Variants in PGD observed in about 807,000 individuals in gnomAD.
The protein encoded by PGD is phosphogluconate dehydrogenase, also known as 6-phosphogluconate dehydrogenase, decarboxylating.
Under a neutral mutation model 60.4 loss-of-function variants are expected in PGD, and 21 were observed. The ratio of observed to expected loss-of-function variants is 0.35; its 90% confidence interval spans 0.25 to 0.50. PGD has a LOEUF of 0.50. Among genes scored for constraint, PGD ranks in the 20% least tolerant of loss-of-function variants. PGD has a pLI of 0.98. For synonymous variants in PGD, 230 were observed against 235.9 expected (o/e 0.97, Z 0.23); for missense variants, 477 against 613.1 (o/e 0.78, Z 2.34).
intron 8 of PGD, among the ~76,000 whole-genome samples, chr1:10,413,595 T>C (rs1430875500): frequency 6.6e-6 from 1 of 152,118 alleles, no homozygotes; most frequent in African/African-American, 2.4e-5. Context: ...TTGAGTAAAA[T>C]TTTTCATAGA....
chr1:10,404,174 A>G lies in PGD; in HGVS notation c.344A>G (p.Asp115Gly), dbSNP rs1305460714. 1.2e-6 allele frequency: 2 copies of G among 1,611,728 alleles called. No homozygotes were observed. Among genetic ancestry groups the G allele is most frequent in the African/African-American group, 2.7e-5 (2 of 74,804 alleles). ...EYRDTTRRCRDLKAKGILFVG... is the reference protein window; with the variant it reads ...EYRDTTRRCRGLKAKGILFVG... ...TCTGTCCTTCAGAGACGGTGCCGAG[A>G]CCTCAAGGCCAAGGGAATTTTATTT... Residue 115 changes from aspartate (D) to glycine (G), a missense_variant, in exon 5 of 13, where the codon GAC becomes GGC. By Grantham distance (94) the Asp-to-Gly change is moderately conservative. Around this residue, in one of 3 missense-constraint regions of PGD, gnomAD observed 431 missense variants for 556.6 expected, o/e 0.77. Coordinates refer to ENST00000270776, the MANE Select transcript of PGD (RefSeq NM_002631.4).
chr1:10,415,022 C>T (rs1202175322), intron 8 of PGD, among the ~76,000 whole-genome samples: 3 of 150,758 alleles, frequency 2.0e-5, no homozygotes, highest in East Asian at 3.9e-4. Context: ...ACCTGGGAGG[C>T]GGAATTTGCA....
intron 8 of PGD, among the ~76,000 whole-genome samples, chr1:10,414,462 C>T (rs1319011139): frequency 6.6e-6 from 1 of 151,984 alleles, no homozygotes; most frequent in Non-Finnish European, 1.5e-5. Flanking sequence ...GCAACCTCCA[C>T]CTCCCGGGTT....
chr1:10,413,316 G>T (rs542953749), intron 8 of PGD, 65 bp downstream of exon 8: 5 of 1,385,246 alleles, frequency 3.6e-6, no homozygotes, highest in Non-Finnish European at 5.1e-6. Flanking sequence ...CTGGAGGACA[G>T]ATACAGACTG....
At position 10,418,922 on chromosome 1, in the gene PGD, C is replaced by T; in HGVS notation, c.1206C>T (p.Cys402=). 6.3e-7 allele frequency: 1 copy of T among 1,576,226 alleles called. No homozygotes were observed. The highest frequency in any genetic ancestry group is 8.7e-7 in the Non-Finnish European group (1 of 1,145,392). Residue 402 remains cysteine (C), a synonymous_variant, in exon 11 of 13, where the codon TGC becomes TGT. Coordinates refer to ENST00000270776, the MANE Select transcript of PGD (RefSeq NM_002631.4). ...TCTTTAAGTCAGCTGTTGAAAACTG[C>T]CAGGTATGTAGCCTAGGGCTGGTGC... The part of the protein sequence containing the change: ...DDFFKSAVEN[C]QDSWRRAVST...
intron 5 of PGD, among the ~76,000 whole-genome samples, chr1:10,407,580 G>A: frequency 6.6e-6 from 1 of 152,298 alleles, no homozygotes; most frequent in Middle Eastern, 3.4e-3. Context: ...TCAGTCAAGG[G>A]TCTGCAGTTG....
rs374241985 is a variant in PGD, at chr1:10,417,326, C to T, written c.976-50C>T. 4.5e-5 allele frequency: 70 copies of T among 1,553,726 alleles called. No homozygotes were observed. The African/African-American group carries it at 5.4e-4, about 12-fold the overall frequency. On this transcript the variant is annotated intron_variant, in intron 9 of 12. Transcript: ENST00000270776. Reference sequence around the variant, plus strand: ...GAGAATAAGACTGGTAGACATAAGGCGGTCACTCTCCTAATGGCAATCCTA... The same window carrying T: ...GAGAATAAGACTGGTAGACATAAGGTGGTCACTCTCCTAATGGCAATCCTA...
chr1:10,418,669 C>CAG, intron 10 of PGD, 157 bp from the exon 11 acceptor site: 1 of 530,268 alleles, frequency 1.9e-6, no homozygotes. Context: ...CAGCTACTGG[C>CAG]GAGGCTGAGG....
At chr1:10,400,243 G>C (rs1337695616) in intron 2 of PGD, 150 bp from the exon 3 acceptor site, 2 of 608,180 alleles carry the variant, frequency 3.3e-6, no homozygotes, top group Non-Finnish European at 5.8e-6. Flanking sequence ...TAACTTTACA[G>C]TGAGCCTCCC....
In PGD at chr1:10,404,238, G is replaced by A; in HGVS notation, c.408G>A (p.Arg136=). 1.9e-6 allele frequency: 3 copies of A among 1,613,782 alleles called. No homozygotes were observed. The highest frequency in any genetic ancestry group is 2.5e-6 in the Non-Finnish European group (3 of 1,179,768). The change falls in exon 5 of 13, where the codon CGG becomes CGA. Residue 136 remains arginine, a synonymous_variant. Coordinates refer to ENST00000270776, the MANE Select transcript of PGD (RefSeq NM_002631.4). ...SGVSGGEEGA[R]YGPSLMPGGN... is the part of the protein sequence containing the mutation. ...TCAGTGGTGGAGAGGAAGGGGCCCG[G>A]TATGGCCCATCGCTCATGCCAGGAG...
rs568894081 is a variant in PGD, at chr1:10,411,444, C to T, written c.546C>T (p.Phe182=). Residue 182 remains phenylalanine, a synonymous_variant, in exon 7 of 13, where the codon TTC becomes TTT. Coordinates refer to ENST00000270776, the MANE Select transcript of PGD (RefSeq NM_002631.4). ...TGGGAGATGAGGGAGCAGGCCACTT[C>T]GTGAAGATGGTGCACAACGGGATAG... ...DWVGDEGAGH[F]VKMVHNGIEY... 3.2e-5 allele frequency: 52 copies of T among 1,613,780 alleles called. No individual in the cohort carries two copies. In the Admixed American group the frequency reaches 6.2e-4, roughly 19 times the overall value.
chr1:10,416,079 A>G (rs1250345776), intron 8 of PGD, among the ~76,000 whole-genome samples: 2 of 152,138 alleles, frequency 1.3e-5, no homozygotes, highest in Non-Finnish European at 2.9e-5. Context: ...TATTCTACAT[A>G]ACAGTGGTTT....
In PGD at chr1:10,404,109, G is replaced by A. The variant is rs969085081; in HGVS notation, c.331-52G>A. The A allele has an allele frequency of 7.9e-6, 10 of 1,259,054 alleles. No individual in the cohort carries two copies. In the African/African-American group the frequency reaches 1.4e-4, roughly 18 times the overall value. The allele number at this position is 1,259,054 out of a possible 1,614,324, so 78.0% of individuals were successfully genotyped here. Reference sequence around the variant, plus strand: ...ATTTTTGGGTAGCATAATGAAACATGGAAGCATAATGAAACATGGAAGCAT... The same window carrying A: ...ATTTTTGGGTAGCATAATGAAACATAGAAGCATAATGAAACATGGAAGCAT... On this transcript the variant is annotated intron_variant, in intron 4 of 12. Coordinates refer to ENST00000270776, the MANE Select transcript of PGD (RefSeq NM_002631.4).
chr1:10,399,097 G>A lies in PGD; in HGVS notation c.-21G>A. On this transcript the variant is annotated 5_prime_UTR_variant, in exon 1 of 13. Coordinates refer to ENST00000270776, the MANE Select transcript of PGD (RefSeq NM_002631.4). ...CGTCCTCCGCGCGTCGCCGCTCTTC[G>A]GTTCTGCTCTGTCCGCCGCCATGGC... The A allele has an allele frequency of 6.2e-7, 1 of 1,609,538 alleles. No individual in the cohort carries two copies. Among genetic ancestry groups the A allele is most frequent in the Non-Finnish European group, 8.5e-7 (1 of 1,179,592 alleles).
In PGD at chr1:10,411,544, A is replaced by T; in HGVS notation, c.646A>T (p.Met216Leu). 2 of 1,614,116 alleles carry T rather than the reference A, an allele frequency of 1.2e-6. No individual in the cohort carries two copies. The highest frequency in any genetic ancestry group is 3.3e-5 in the Admixed American group (2 of 60,028). The change falls in exon 7 of 13, where the codon ATG becomes TTG. Residue 216 changes from methionine to leucine, a missense_variant. Physicochemically the swap from Met to Leu is conservative, Grantham distance 15 (BLOSUM62 2). Transcript: ENST00000270776. ...KDVLGMAQDEMAQAFEDWNKT... is the reference protein window; with the variant it reads ...KDVLGMAQDELAQAFEDWNKT... ...CGTGCTGGGCATGGCGCAGGACGAG[A>T]TGGCCCAGGTGAGGCCCCGGCACTG...
At position 10,403,143 on chromosome 1, in the gene PGD, G is replaced by T; in HGVS notation, c.330+7G>T. 1 of 1,582,818 alleles carries T rather than the reference G, an allele frequency of 6.3e-7. No individual in the cohort carries two copies. The highest frequency in any genetic ancestry group is 8.7e-7 in the Non-Finnish European group (1 of 1,151,574). On this transcript the variant is annotated splice_region_variant and intron_variant, in intron 4 of 12. Coordinates refer to ENST00000270776, the MANE Select transcript of PGD (RefSeq NM_002631.4). Reference sequence around the variant, plus strand: ...TGAATATAGGGACACCACAGTAAGTGTTCTTCAGTCCAGATTCTTCCAGGT... The same window carrying T: ...TGAATATAGGGACACCACAGTAAGTTTTCTTCAGTCCAGATTCTTCCAGGT...
chr1:10,399,576 C>T (rs1639275952), intron 1 of PGD, 53 bp from the exon 2 acceptor site: 1 of 1,502,668 alleles, frequency 6.7e-7, no homozygotes. Flanking sequence ...CCCTGGGTTG[C>T]AGCGCGTCGA....
At chr1:10,408,694 C>T (rs540774214) in intron 6 of PGD, among the ~76,000 whole-genome samples, 1 of 152,280 alleles carries the variant, frequency 6.6e-6, no homozygotes, top group East Asian at 1.9e-4. Flanking sequence ...CCGCAACCTC[C>T]ACCTCCCAGG....
In PGD at chr1:10,419,899, T is replaced by A; in HGVS notation, c.*150T>A. On this transcript the variant is annotated 3_prime_UTR_variant, in exon 13 of 13. Transcript: ENST00000270776. Reference sequence around the variant, plus strand: ...CTGAGGAAGACACACAGTTTATTTGTAAAGTAGCTCTGTGAGAGCCACCAT... The same window carrying A: ...CTGAGGAAGACACACAGTTTATTTGAAAAGTAGCTCTGTGAGAGCCACCAT... 1 of 944,288 alleles carries A rather than the reference T, an allele frequency of 1.1e-6. No individual in the cohort carries two copies. The highest frequency in any genetic ancestry group is 1.6e-6 in the Non-Finnish European group (1 of 626,658). The allele number at this position is 944,288 out of a possible 1,614,324, so 58.5% of individuals were successfully genotyped here. A position where few individuals can be genotyped will look rare whatever the true frequency, so the allele number is the denominator to read the frequency against.
Sources: allele counts gnomAD v4.1 joint callset (sites outside exome capture counted in the v4.1 genomes callset), GRCh38; gene constraint gnomAD v4.1.1; regional missense constraint gnomAD v4.1.1; transcripts MANE v1.5; gene names NCBI Gene and HGNC (gene_info 2026-07-23, HGNC 2026-07-21).